DMD: variants seen among roughly 807,000 people sequenced by gnomAD.
DMD encodes mutant dystrophin.
Under a neutral mutation model 330.1 loss-of-function variants are expected in DMD, and 63 were observed. The ratio of observed to expected loss-of-function variants is 0.19; its 90% CI spans 0.16 to 0.24. The LOEUF is 0.24. DMD is among the 10% of genes least tolerant of loss of function. DMD has a pLI of 1.00. For synonymous variants in DMD, 1,223 were observed against 959.8 expected (o/e 1.27, Z -5.07); for missense variants, 3,344 against 2,684.1 (o/e 1.25, Z -5.43).
chrX:33,007,213 C>A (rs2093414376), intron 2 of DMD, among the ~76,000 whole-genome samples: 2 of 110,864 alleles, frequency 1.8e-5, no homozygotes. Flanking sequence ...TCAATAAGGC[C>A]CTATCTGATT....
intron 53 of DMD, among the ~76,000 whole-genome samples, chrX:31,660,540 C>T (rs2081065810): frequency 8.9e-6 from 1 of 111,787 alleles, no homozygotes. Context: ...TATTAAATTG[C>T]TAATTAATAG....
chrX:32,462,445 C>A (rs925553706), intron 25 of DMD, among the ~76,000 whole-genome samples: 6 of 111,330 alleles, frequency 5.4e-5, no homozygotes, highest in Non-Finnish European at 7.5e-5. Flanking sequence ...TGCTTTAGTT[C>A]AAAATTTTAT....
chrX:32,643,567 G>A (rs2059605022), intron 11 of DMD, among the ~76,000 whole-genome samples: 1 of 110,888 alleles, frequency 9.0e-6, no homozygotes, highest in Non-Finnish European at 1.9e-5. Context: ...ACCTTTATAA[G>A]AAATATGTCA....
At chrX:32,683,232 T>A (rs1201924005) in intron 9 of DMD, among the ~76,000 whole-genome samples, 2 of 110,797 alleles carry the variant, frequency 1.8e-5, no homozygotes, top group Non-Finnish European at 3.8e-5. Context: ...AAAGAAGGAG[T>A]GGCGATTCCT....
chrX:31,992,865 G>C (rs1254353535), intron 44 of DMD, among the ~76,000 whole-genome samples: 2 of 111,703 alleles, frequency 1.8e-5, no homozygotes, highest in Admixed American at 1.9e-4. Flanking sequence ...TACAAAGCCA[G>C]CCAATCTCTT....
chrX:31,942,206 T>G (rs2095015940), intron 45 of DMD, among the ~76,000 whole-genome samples: 1 of 111,869 alleles, frequency 8.9e-6, no homozygotes, highest in African/African-American at 3.3e-5. Context: ...TTTTTTGACT[T>G]TTTAATAATA....
chrX:32,801,538 T>G (rs1196009918), intron 7 of DMD, among the ~76,000 whole-genome samples: 1 of 112,296 alleles, frequency 8.9e-6, no homozygotes, highest in Non-Finnish European at 1.9e-5. Flanking sequence ...CAATTTTGGC[T>G]TTTCTTGCCA....
intron 47 of DMD, among the ~76,000 whole-genome samples, chrX:31,919,996 C>A (rs1236192696): frequency 8.9e-6 from 1 of 112,120 alleles, no homozygotes; most frequent in Non-Finnish European, 1.9e-5. Flanking sequence ...TCCAACAATC[C>A]ATTTTCTACA....
Position 31,310,950 on chromosome X carries a change from G to A in DMD, c.9224+12648C>T, listed in dbSNP as rs142139196. 4.1e-3 allele frequency among the ~76,000 whole-genome samples: 458 copies of A among 110,908 alleles called. 2 individuals are homozygous for A. The highest frequency in any genetic ancestry group is 0.014 in the African/African-American group (431 of 30,478). ...TTGCCCAGATTGCTTTTGTAATTTT[G>A]AGTCATTATGAGAAAAAGTATGAGA... On this transcript the variant is annotated intron_variant, in intron 62 of 78. Transcript: ENST00000357033.
Position 32,628,275 on chromosome X carries a change from TTTTTTTTTTTTTTTTTTTTTA to T in DMD, c.1332-13843_1332-13823del, listed in dbSNP as rs1422005810. ...TTGTTTTAATTTTTTTTTTTTTTTT[TTTTTTTTTTTTTTTTTTTTTA>T]AGCTCTCACAAGTAAGTGAGAACAT... is the stretch of plus-strand genomic sequence containing the variant. On this transcript the variant is annotated intron_variant, in intron 11 of 78. Transcript: ENST00000357033. Among the ~76,000 whole-genome samples, 71 of 65,717 alleles carry T rather than the reference TTTTTTTTTTTTTTTTTTTTTA, an allele frequency of 1.1e-3. 1 individual carries two copies. Among genetic ancestry groups the T allele is most frequent in the African/African-American group, 4.3e-3 (56 of 12,992 alleles). The allele number at this position is 65,717 out of a possible 115,157, so 57.1% of individuals were successfully genotyped here.
intron 39 of DMD, among the ~76,000 whole-genome samples, chrX:32,345,345 G>A (rs963680848): frequency 9.0e-6 from 1 of 111,540 alleles, no homozygotes; most frequent in Non-Finnish European, 1.9e-5. Context: ...GGGACTTGAA[G>A]CCATACACTA....
chrX:32,002,258 G>C (rs1333274573), intron 44 of DMD, among the ~76,000 whole-genome samples: 1 of 111,801 alleles, frequency 8.9e-6, no homozygotes, highest in Admixed American at 9.5e-5. Flanking sequence ...ATGCACTAAA[G>C]GTATGTCTCT....
intron 49 of DMD, among the ~76,000 whole-genome samples, chrX:31,835,858 G>A (rs2093184547): frequency 9.0e-6 from 1 of 111,361 alleles, no homozygotes; most frequent in Admixed American, 9.6e-5. Flanking sequence ...TGAGGACGAG[G>A]TTCATTGTAT....
At chrX:32,624,277 A>G (rs1412670566) in intron 11 of DMD, among the ~76,000 whole-genome samples, 1 of 111,685 alleles carries the variant, frequency 9.0e-6, no homozygotes, top group African/African-American at 3.3e-5. Context: ...AGGGAGTGGA[A>G]TTAGAATAAA....
intron 41 of DMD, among the ~76,000 whole-genome samples, chrX:32,329,038 A>T (rs755155308): frequency 6.2e-4 from 69 of 111,732 alleles, no homozygotes; most frequent in Middle Eastern, 9.2e-3. Flanking sequence ...CATTCATTCA[A>T]TCATTCATTC....
chrX:33,155,302 T>A (rs997907084), intron 1 of DMD, among the ~76,000 whole-genome samples: 1 of 109,520 alleles, frequency 9.1e-6, no homozygotes, highest in Non-Finnish European at 1.9e-5. Flanking sequence ...ACATAGACAA[T>A]GTTTATGAGC....
At chrX:32,498,856 G>T (rs547858677) in intron 19 of DMD, among the ~76,000 whole-genome samples, 25 of 111,524 alleles carry the variant, frequency 2.2e-4, no homozygotes, top group African/African-American at 8.1e-4. Context: ...ATCAAATGAG[G>T]TTCCCTTCTA....
chrX:33,121,922 T>C (rs1041644614), intron 1 of DMD, among the ~76,000 whole-genome samples: 5 of 112,396 alleles, frequency 4.4e-5, no homozygotes, highest in Middle Eastern at 4.6e-3. Flanking sequence ...TTAATAATTA[T>C]GATTCCAAAG....
At chrX:33,263,683 T>A (rs1165479627) in intron 1 of DMD, among the ~76,000 whole-genome samples, 1 of 109,262 alleles carries the variant, frequency 9.2e-6, no homozygotes, top group African/African-American at 3.3e-5. Context: ...AAGATGAATA[T>A]GACACCAAGT....
Sources: allele counts gnomAD v4.1 joint callset (sites outside exome capture counted in the v4.1 genomes callset), GRCh38; gene constraint gnomAD v4.1.1; transcripts MANE v1.5; gene names NCBI Gene and HGNC (gene_info 2026-07-23, HGNC 2026-07-21).